PDE1C: variants seen among roughly 807,000 people sequenced by gnomAD.
PDE1C encodes dual specificity calcium/calmodulin-dependent 3',5'-cyclic nucleotide phosphodiesterase 1C.
PDE1C carries 62 observed loss-of-function variants against 93.1 expected under a neutral mutation model. The observed-to-expected ratio is 0.67, with a 90% confidence interval of 0.54 to 0.82. The LOEUF (loss-of-function observed/expected upper bound fraction) is 0.82. Among genes scored for constraint, PDE1C ranks in the 40% least tolerant of loss-of-function variants. The pLI is 0.00. For missense variants in PDE1C, 742 were observed against 884.6 expected (o/e 0.84, Z 2.04); for synonymous variants, 325 against 310.1 (o/e 1.05, Z -0.50).
chr7:32,134,859 G>A (rs1424404009), intron 3 of PDE1C, among the ~76,000 whole-genome samples: 1 of 152,060 alleles, frequency 6.6e-6, no homozygotes, highest in Non-Finnish European at 1.5e-5. Flanking sequence ...AAACCACGAT[G>A]GCACATGTAT....
the PDE1C span, among the ~76,000 whole-genome samples, chr7:31,667,477 T>A: frequency 6.6e-6 from 1 of 152,144 alleles, no homozygotes; most frequent in Non-Finnish European, 1.5e-5. Context: ...TGAAACCATA[T>A]TTACTGGTTT....
chr7:31,886,825 T>TACTCAGAATAGATC (rs1334904195), intron 2 of PDE1C, among the ~76,000 whole-genome samples: 43 of 152,294 alleles, frequency 2.8e-4, no homozygotes, highest in African/African-American at 8.9e-4. Context: ...TTTTCGGATC[T>TACTCAGAATAGATC]TTTCAGAATA....
At chr7:32,238,830 A>ATC (rs1472005767) in intron 1 of PDE1C, among the ~76,000 whole-genome samples, 2 of 152,248 alleles carry the variant, frequency 1.3e-5, no homozygotes, top group Non-Finnish European at 2.9e-5. Context: ...GTCCTAATTC[A>ATC]CACCATTTAC....
intron 1 of PDE1C, among the ~76,000 whole-genome samples, chr7:32,066,050 A>G (rs1479449040): frequency 6.6e-5 from 10 of 152,214 alleles, no homozygotes; most frequent in Admixed American, 2.6e-4. Flanking sequence ...GGTCTTCTCT[A>G]TGAGGTGGGA....
intron 3 of PDE1C, among the ~76,000 whole-genome samples, chr7:32,090,585 T>C (rs1428494490): frequency 6.6e-6 from 1 of 152,176 alleles, no homozygotes; most frequent in African/African-American, 2.4e-5. Context: ...AAAACCCAGA[T>C]AGCAGACCAA....
chr7:32,070,280 T>C lies in PDE1C; in HGVS notation c.101+13A>G, dbSNP rs997879355. 6.2e-7 allele frequency: 1 copy of C among 1,613,922 alleles called. No homozygotes were observed. The highest frequency in any genetic ancestry group is 1.1e-5 in the South Asian group (1 of 91,042). On this transcript the variant is annotated intron_variant, in intron 1 of 17. Coordinates refer to ENST00000396191, the MANE Select transcript of PDE1C (RefSeq NM_001191057.4). ...CGGGAAATGGGGCAGGAGAAGTAAA[T>C]AGGTATACTTACAGCCCGCGGAGCC...
At chr7:31,668,519 C>T in the PDE1C span, among the ~76,000 whole-genome samples, 1 of 151,992 alleles carries the variant, frequency 6.6e-6, no homozygotes, top group Non-Finnish European at 1.5e-5. Flanking sequence ...ATACTGATAT[C>T]TACTACAACA....
intron 3 of PDE1C, among the ~76,000 whole-genome samples, chr7:32,114,824 C>CA (rs144538307): frequency 6.6e-6 from 1 of 151,864 alleles, no homozygotes; most frequent in East Asian, 1.9e-4. Flanking sequence ...AGACACTTCT[C>CA]AAAAAAAAGA....
At chr7:31,749,423 A>T (rs1372624282), downstream of PDE1C, among the ~76,000 whole-genome samples, 1 of 152,272 alleles carries the variant, frequency 6.6e-6, no homozygotes, top group East Asian at 1.9e-4. Flanking sequence ...CAAATCTGCT[A>T]TGGGTTTTTT....
At chr7:31,964,022 C>G (rs1809470904) in intron 2 of PDE1C, among the ~76,000 whole-genome samples, 1 of 152,192 alleles carries the variant, frequency 6.6e-6, no homozygotes, top group South Asian at 2.1e-4. Flanking sequence ...CTACAGCTCC[C>G]AGTGTGAGCG....
chr7:32,031,593 C>A (rs775901147), intron 2 of PDE1C, among the ~76,000 whole-genome samples: 11 of 152,168 alleles, frequency 7.2e-5, no homozygotes, highest in Admixed American at 3.3e-4. Flanking sequence ...AAGATCTTGG[C>A]CACGTTGCAT....
the PDE1C span, among the ~76,000 whole-genome samples, chr7:31,622,322 C>T: frequency 6.6e-6 from 1 of 151,726 alleles, no homozygotes; most frequent in African/African-American, 2.4e-5. Context: ...CAGCACCACA[C>T]CACACCTATT....
intron 1 of PDE1C, among the ~76,000 whole-genome samples, chr7:32,257,172 G>A (rs150319378): frequency 1.3e-5 from 2 of 152,190 alleles, no homozygotes; most frequent in Admixed American, 1.3e-4. Flanking sequence ...GAAAGATTGA[G>A]ACGATGAACA....
At chr7:31,802,514 C>G (rs1054581252) in intron 16 of PDE1C, among the ~76,000 whole-genome samples, 3 of 151,550 alleles carry the variant, frequency 2.0e-5, no homozygotes, top group African/African-American at 2.4e-5. Flanking sequence ...ATTTTTAATG[C>G]TTTTCATTCT....
At chr7:32,302,757 T>C (rs1470740050), upstream of PDE1C, among the ~76,000 whole-genome samples, 1 of 152,204 alleles carries the variant, frequency 6.6e-6, no homozygotes. Flanking sequence ...AGAAAACATC[T>C]TTTTATTTTT....
chr7:32,078,961 A>T (rs1206035822), intron 3 of PDE1C, among the ~76,000 whole-genome samples: 2 of 151,870 alleles, frequency 1.3e-5, no homozygotes, highest in Non-Finnish European at 2.9e-5. Context: ...AAGGCTTTAT[A>T]CTCTTGCCAA....
rs942780544 is a variant in PDE1C, at chr7:31,752,491, A to G, written c.*893T>C. 6.6e-6 allele frequency: 1 copy of G among 152,074 alleles called. No individual in the cohort carries two copies. The highest frequency in any genetic ancestry group is 1.5e-5 in the Non-Finnish European group (1 of 67,980). The allele number at this position is 152,074 out of a possible 1,614,324, so 9.4% of individuals were successfully genotyped here. On this transcript the variant is annotated 3_prime_UTR_variant, in exon 18 of 18. Transcript: ENST00000396191. ...AATTCTTTATTTTCAGTCCAGAACAATCTGAAAATAAAGAATTTAAACTAG... is the reference window on the plus strand; with the variant it reads ...AATTCTTTATTTTCAGTCCAGAACAGTCTGAAAATAAAGAATTTAAACTAG...
At chr7:31,897,020 T>C (rs1283386833) in intron 2 of PDE1C, among the ~76,000 whole-genome samples, 2 of 152,246 alleles carry the variant, frequency 1.3e-5, no homozygotes, top group Non-Finnish European at 1.5e-5. Flanking sequence ...AAAGTTTGTT[T>C]GGTCTTCACC....
At chr7:32,389,233 T>TGTTA (rs1400090710) in intron 1 of PDE1C, among the ~76,000 whole-genome samples, 1 of 145,720 alleles carries the variant, frequency 6.9e-6, no homozygotes, top group Non-Finnish European at 1.5e-5. Flanking sequence ...TTTGTTTGTT[T>TGTTA]GTTATGGAGT....
Sources: allele counts gnomAD v4.1 joint callset (sites outside exome capture counted in the v4.1 genomes callset), GRCh38; gene constraint gnomAD v4.1.1; transcripts MANE v1.5; gene names NCBI Gene and HGNC (gene_info 2026-07-23, HGNC 2026-07-21).